DRG1: variants seen among roughly 807,000 people sequenced by gnomAD.
The protein encoded by DRG1 is developmentally-regulated GTP-binding protein 1.
In DRG1, 19 loss-of-function variants were observed where a neutral mutation model predicts 38.8. The observed-to-expected ratio is 0.49, with a 90% CI of 0.34 to 0.72. The LOEUF is 0.72. Ranked by LOEUF, DRG1 falls within the 30% of genes least tolerant of loss-of-function variation. DRG1 has a pLI of 0.01. For synonymous variants in DRG1, 167 were observed against 157.5 expected (o/e 1.06, Z -0.45); for missense variants, 299 against 444.8 (o/e 0.67, Z 2.95).
At chr22:31,403,390 G>A (rs565226228) in intron 3 of DRG1, among the ~76,000 whole-genome samples, 186 bp downstream of exon 3, 75 of 152,196 alleles carry the variant, frequency 4.9e-4, no homozygotes, top group African/African-American at 1.7e-3. Context: ...AGAAAGGGCC[G>A]GGCGCAGTGG....
chr22:31,423,494 GT>G, intron 6 of DRG1, 84 bp downstream of exon 6: 1 of 901,922 alleles, frequency 1.1e-6, no homozygotes, highest in Non-Finnish European at 1.7e-6. Context: ...TCTGGCAGAA[GT>G]TTATCTTAAT....
At chr22:31,417,417 T>C (rs970712770) in intron 4 of DRG1, among the ~76,000 whole-genome samples, 4 of 151,178 alleles carry the variant, frequency 2.6e-5, no homozygotes, top group Non-Finnish European at 5.9e-5. Flanking sequence ...TGGTGGCTCA[T>C]GCCTGTAATT....
intron 6 of DRG1, among the ~76,000 whole-genome samples, chr22:31,424,143 G>A (rs2050094384): frequency 6.6e-6 from 1 of 150,904 alleles, no homozygotes; most frequent in Admixed American, 6.6e-5. Context: ...GGGTTTACAG[G>A]TGTGAGCCCG....
At chr22:31,431,164 A>G (rs1227510113) in intron 8 of DRG1, among the ~76,000 whole-genome samples, 1 of 150,602 alleles carries the variant, frequency 6.6e-6, no homozygotes, top group Non-Finnish European at 1.5e-5. Context: ...CCTCCCGAGT[A>G]GCTGGAACTA....
chr22:31,431,293 C>T (rs964124927), intron 8 of DRG1, among the ~76,000 whole-genome samples: 3 of 152,044 alleles, frequency 2.0e-5, no homozygotes, highest in Admixed American at 2.0e-4. Context: ...CTCGGCCCCC[C>T]AAAGTGTTGG....
At chr22:31,425,642 C>T (rs2050105919) in intron 6 of DRG1, among the ~76,000 whole-genome samples, 1 of 152,132 alleles carries the variant, frequency 6.6e-6, no homozygotes, top group African/African-American at 2.4e-5. Context: ...TGTTTCACCA[C>T]GTTGCCGAGA....
Position 31,434,017 on chromosome 22 carries a change from C to G in DRG1, c.*46C>G, listed in dbSNP as rs2050157971. The G allele has an allele frequency of 6.4e-7, 1 of 1,568,440 alleles. No homozygotes were observed. The highest frequency in any genetic ancestry group is 1.4e-5 in the African/African-American group (1 of 74,052). On this transcript the variant is annotated 3_prime_UTR_variant, in exon 9 of 9. Coordinates refer to ENST00000331457, the MANE Select transcript of DRG1 (RefSeq NM_004147.4). ...TGCCGGACGAACCACAACAGCGTTCCCCATGATCAAGCACCCTACCCCAGT... is the reference window on the plus strand; with the variant it reads ...TGCCGGACGAACCACAACAGCGTTCGCCATGATCAAGCACCCTACCCCAGT...
At chr22:31,412,639 G>A (rs959738112) in intron 4 of DRG1, among the ~76,000 whole-genome samples, 2 of 151,860 alleles carry the variant, frequency 1.3e-5, no homozygotes, top group Non-Finnish European at 2.9e-5. Context: ...GTGAACCACC[G>A]TGCCTGGCCC....
chr22:31,403,607 G>T (rs965654978), intron 3 of DRG1, among the ~76,000 whole-genome samples: 2 of 152,264 alleles, frequency 1.3e-5, no homozygotes, highest in Admixed American at 1.3e-4. Context: ...TCACCTGAGG[G>T]TGGGGGCTGG....
In DRG1 at chr22:31,400,624, C is replaced by T. The variant is rs758157756; in HGVS notation, c.47C>T (p.Ala16Val). ...GCTGTGATTCCTCCCTTTTAGATGG[C>T]TCGGACTCAAAAGAACAAGGCCACA... ...AKIAEIEAEM[A>V]RTQKNKATAH... Residue 16 changes from alanine to valine, a missense_variant, in exon 2 of 9, where the codon GCT becomes GTT. Ala to Val is a moderately conservative substitution (Grantham distance 64). Around this residue, in one of 3 missense-constraint regions of DRG1, gnomAD observed 51 missense variants for 56.1 expected, o/e 0.91. Transcript: ENST00000331457. 4 of 1,612,560 alleles carry T rather than the reference C, an allele frequency of 2.5e-6. No individual in the cohort carries two copies. The highest frequency in any genetic ancestry group is 1.1e-5 in the South Asian group (1 of 91,014).
chr22:31,412,985 A>G (rs1193605366), intron 4 of DRG1, among the ~76,000 whole-genome samples: 1 of 151,094 alleles, frequency 6.6e-6, no homozygotes, highest in Non-Finnish European at 1.5e-5. Context: ...CATATCTTTC[A>G]TTTTATGGAA....
chr22:31,419,255 A>G (rs1424289802), intron 4 of DRG1, among the ~76,000 whole-genome samples: 1 of 152,044 alleles, frequency 6.6e-6, no homozygotes, highest in Admixed American at 6.6e-5. Flanking sequence ...GTGAGCTATG[A>G]TCATGCCACT....
intron 3 of DRG1, among the ~76,000 whole-genome samples, chr22:31,410,731 C>A (rs2050013786): frequency 6.6e-6 from 1 of 151,844 alleles, no homozygotes; most frequent in African/African-American, 2.4e-5. Flanking sequence ...AGGAGAATCC[C>A]TTGAACCCGA....
intron 4 of DRG1, among the ~76,000 whole-genome samples, chr22:31,411,352 T>TTGGACAATG (rs1455109565): frequency 6.6e-6 from 1 of 151,958 alleles, no homozygotes; most frequent in Non-Finnish European, 1.5e-5. Context: ...GGAGTCTGTA[T>TTGGACAATG]TGGACAATGC....
At chr22:31,418,342 G>A (rs1424096070) in intron 4 of DRG1, among the ~76,000 whole-genome samples, 3 of 151,742 alleles carry the variant, frequency 2.0e-5, no homozygotes, top group South Asian at 4.2e-4. Context: ...GTGTAGTCCC[G>A]GATATTCAAG....
chr22:31,418,601 TG>T (rs2050057465), intron 4 of DRG1, among the ~76,000 whole-genome samples: 1 of 151,814 alleles, frequency 6.6e-6, no homozygotes. Context: ...TCTGCCTCCC[TG>T]GTTCAAGTGA....
In DRG1 at chr22:31,426,627, C is replaced by T; in HGVS notation, c.726C>T (p.Pro242=). Reference sequence around the variant, plus strand: ...TCACTTTCTGTAGAGTTTATATCCCCTGTATCTATGTGTTAAATAAGATTG... The same window carrying T: ...TCACTTTCTGTAGAGTTTATATCCCTTGTATCTATGTGTTAAATAAGATTG... The part of the protein sequence containing the change: ...DVVEGNRVYI[P]CIYVLNKIDQ... The change falls in exon 7 of 9, where the codon CCC becomes CCT. Residue 242 remains proline (P), a synonymous_variant. Coordinates refer to ENST00000331457, the MANE Select transcript of DRG1 (RefSeq NM_004147.4). 6.2e-7 allele frequency: 1 copy of T among 1,612,758 alleles called. No homozygotes were observed. The highest frequency in any genetic ancestry group is 1.1e-5 in the South Asian group (1 of 90,774).
intron 8 of DRG1, among the ~76,000 whole-genome samples, chr22:31,432,967 C>T (rs1474165218): frequency 3.3e-5 from 5 of 152,040 alleles, no homozygotes; most frequent in Non-Finnish European, 4.4e-5. Flanking sequence ...AGGCAGGTCT[C>T]GGTGTCTTAT....
chr22:31,421,448 A>G (rs985390206), intron 5 of DRG1: 6 of 152,020 alleles, frequency 3.9e-5, no homozygotes, highest in African/African-American at 1.4e-4. Flanking sequence ...GAGCTAAAAA[A>G]AAAATGAACT....
Sources: allele counts gnomAD v4.1 joint callset (sites outside exome capture counted in the v4.1 genomes callset), GRCh38; gene constraint gnomAD v4.1.1; regional missense constraint gnomAD v4.1.1; transcripts MANE v1.5; gene names NCBI Gene and HGNC (gene_info 2026-07-23, HGNC 2026-07-21).